Variants in PDLIM3 observed in about 807,000 individuals in gnomAD.
The protein encoded by PDLIM3 is PDZ and LIM domain protein 3.
Under a neutral mutation model 37.3 loss-of-function variants are expected in PDLIM3, and 36 were observed. The observed-to-expected ratio is 0.97, with a 90% CI of 0.74 to 1.28. The LOEUF (loss-of-function observed/expected upper bound fraction) is 1.28, where lower values mean the gene tolerates loss of function less well. PDLIM3 is among the 50% of genes most tolerant of loss of function. PDLIM3 has a pLI of 0.00. For synonymous variants in PDLIM3, 174 were observed against 182.4 expected, an observed-to-expected ratio of 0.95 and a Z score of 0.37; for missense variants, 454 against 485.0, an observed-to-expected ratio of 0.94 and a Z score of 0.60.
intron 4 of PDLIM3, chr4:185,512,763 G>A (rs2095708596): frequency 1.0e-6 from 1 of 984,578 alleles, no homozygotes; most frequent in Middle Eastern, 5.2e-4. Context: ...TGCTTCTTTG[G>A]GAAGTTGTAT....
chr4:185,502,648 A>T (rs147601622), intron 7 of PDLIM3, among the ~76,000 whole-genome samples, 165 bp from the exon 8 acceptor site: 6 of 152,358 alleles, frequency 3.9e-5, no homozygotes, highest in African/African-American at 9.6e-5. Context: ...TGTAATTGTC[A>T]TGGAGATCTA....
chr4:185,513,778 AT>A, intron 4 of PDLIM3: 1 of 1,031,800 alleles, frequency 9.7e-7, no homozygotes, highest in Non-Finnish European at 1.2e-6. Context: ...TTGGAGTTCA[AT>A]TTCTAGAGAA....
At chr4:185,523,023 T>G in intron 3 of PDLIM3, 1 of 230,488 alleles carries the variant, frequency 4.3e-6, no homozygotes, top group South Asian at 7.2e-5. Flanking sequence ...TTTGCTTTGC[T>G]TTGTTTTAAC....
intron 7 of PDLIM3, among the ~76,000 whole-genome samples, chr4:185,502,954 G>A (rs1036835280): frequency 3.3e-5 from 5 of 152,154 alleles, no homozygotes; most frequent in East Asian, 3.9e-4. Context: ...ACGACCGGGC[G>A]TGGTGGCTCA....
Position 185,504,444 on chromosome 4 carries a change from C to T in PDLIM3, c.905+31G>A, listed in dbSNP as rs756476192. The T allele has an allele frequency of 1.4e-5, 22 of 1,532,378 alleles. No individual in the cohort carries two copies. Among genetic ancestry groups the T allele is most frequent in the African/African-American group, 5.5e-5 (4 of 73,294 alleles). 94.9% of individuals were successfully genotyped at this position (1,532,378 alleles called of 1,614,324 possible). ...GAAATGAACTGTCGCCAAGCTGTATCGTAAATTCCAGGGTTAAAAGTGAAA... is the reference window on the plus strand; with the variant it reads ...GAAATGAACTGTCGCCAAGCTGTATTGTAAATTCCAGGGTTAAAAGTGAAA... On this transcript the variant is annotated intron_variant, in intron 7 of 7. Coordinates refer to ENST00000284767, the MANE Select transcript of PDLIM3 (RefSeq NM_014476.6). The surrounding 1 kb of genome is among the most constrained non-coding windows in gnomAD (Gnocchi z 4.7).
At chr4:185,527,119 T>C (rs1385683144) in intron 1 of PDLIM3, among the ~76,000 whole-genome samples, 1 of 152,218 alleles carries the variant, frequency 6.6e-6, no homozygotes, top group Non-Finnish European at 1.5e-5. Flanking sequence ...TTAAAAAGCA[T>C]TTGTCAGAGC....
chr4:185,532,052 C>T (rs922214717), intron 1 of PDLIM3, among the ~76,000 whole-genome samples: 2 of 151,898 alleles, frequency 1.3e-5, no homozygotes, highest in Non-Finnish European at 2.9e-5. Context: ...GAGGCGAGAT[C>T]GCGCCACTGC....
chr4:185,509,804 A>C (rs1358344120), intron 4 of PDLIM3, among the ~76,000 whole-genome samples: 2 of 152,198 alleles, frequency 1.3e-5, no homozygotes, highest in Admixed American at 6.5e-5. Flanking sequence ...ATTAATGCTA[A>C]CTTCAGCCCA....
At position 185,531,883 on chromosome 4, in the gene PDLIM3, G is replaced by C. The variant is rs890566845; in HGVS notation, c.93+3459C>G. Among the ~76,000 whole-genome samples the C allele has an allele frequency of 4.3e-5, 6 of 140,026 alleles. No homozygotes were observed. In the East Asian group the frequency reaches 9.1e-4, roughly 21 times the overall value. 91.9% of individuals were successfully genotyped at this position (140,026 alleles called of 152,430 possible). ...GTGGGCGGATCGCCTGAGGTCAGGA[G>C]TTTGAGAGTAGCCTGGCCAACATGG... On this transcript the variant is annotated intron_variant, in intron 1 of 7. Transcript: ENST00000284767.
intron 3 of PDLIM3, chr4:185,517,772 C>T (rs529961437): frequency 6.6e-6 from 1 of 151,584 alleles, no homozygotes; most frequent in East Asian, 1.9e-4. Flanking sequence ...TTAGGCTTTG[C>T]AAAGCATTAG....
At chr4:185,508,686 A>C (rs959370328) in intron 4 of PDLIM3, 124 bp from the exon 5 acceptor site, 7 of 895,680 alleles carry the variant, frequency 7.8e-6, no homozygotes, top group Non-Finnish European at 1.3e-5. Context: ...GAGGTGAATT[A>C]CATCAAAATA....
chr4:185,520,204 C>T (rs2095721324), intron 3 of PDLIM3, among the ~76,000 whole-genome samples: 1 of 151,972 alleles, frequency 6.6e-6, no homozygotes, highest in African/African-American at 2.4e-5. Context: ...AATGTCTGTC[C>T]TGAAGTACCA....
intron 1 of PDLIM3, among the ~76,000 whole-genome samples, chr4:185,529,113 G>C (rs572220721): frequency 1.3e-5 from 2 of 152,270 alleles, no homozygotes; most frequent in East Asian, 3.9e-4. Flanking sequence ...CGGTACTGCA[G>C]TGAATCACTT....
In PDLIM3 at chr4:185,504,663, T is replaced by C; in HGVS notation, c.794-77A>G. On this transcript the variant is annotated intron_variant, in intron 6 of 7. Coordinates refer to ENST00000284767, the MANE Select transcript of PDLIM3 (RefSeq NM_014476.6). This position sits in a 1 kb window ranked among gnomAD's most constrained non-coding sequence, Gnocchi z 4.7. The stretch of plus-strand genomic sequence containing the variant: ...TGTGCTTGGCTTCTATTTTAAAGTG[T>C]GCACTTTAACCTGAAGTTGCATCTG... The C allele has an allele frequency of 6.8e-6, 8 of 1,177,394 alleles. No homozygotes were observed. Among genetic ancestry groups the C allele is most frequent in the Middle Eastern group, 2.0e-4 (1 of 4,962 alleles). The allele number at this position is 1,177,394 out of a possible 1,614,324, so 72.9% of individuals were successfully genotyped here.
intron 1 of PDLIM3, among the ~76,000 whole-genome samples, chr4:185,532,980 C>T (rs2095747318): frequency 6.6e-6 from 1 of 152,158 alleles, no homozygotes; most frequent in African/African-American, 2.4e-5. Flanking sequence ...TCCATTTTCA[C>T]ATGTGGCCTT....
chr4:185,526,870 T>C (rs2095735174), intron 1 of PDLIM3, among the ~76,000 whole-genome samples: 1 of 152,346 alleles, frequency 6.6e-6, no homozygotes, highest in East Asian at 1.9e-4. Flanking sequence ...AATGCTGCAC[T>C]CTCAGAAAGA....
chr4:185,503,201 G>A (rs1561188349), intron 7 of PDLIM3, among the ~76,000 whole-genome samples: 1 of 151,904 alleles, frequency 6.6e-6, no homozygotes, highest in East Asian at 1.9e-4. Flanking sequence ...TCCAGCCTGG[G>A]CGACAGAGCG....
chr4:185,509,872 T>C (rs975170376), intron 4 of PDLIM3, among the ~76,000 whole-genome samples: 11 of 152,184 alleles, frequency 7.2e-5, no homozygotes, highest in Non-Finnish European at 1.2e-4. Context: ...CCAGCAATGT[T>C]GCAGCCGGAT....
At position 185,506,621 on chromosome 4, in the gene PDLIM3, C is replaced by T; in HGVS notation, c.694G>A (p.Asp232Asn). ...TTGTCGTGGAGCATCCGGTACACGT[C>T]CGACTCGGGGGGCACCGAGGCTGTG... ...EPTASVPPES[D>N]VYRMLHDNRN... Residue 232 changes from aspartate to asparagine, a missense_variant, in exon 6 of 8, where the codon GAC becomes AAC. Physicochemically the swap from Asp to Asn is conservative, Grantham distance 23. Transcript: ENST00000284767. The T allele has an allele frequency of 6.2e-7, 1 of 1,609,046 alleles. No individual in the cohort carries two copies. The highest frequency in any genetic ancestry group is 8.5e-7 in the Non-Finnish European group (1 of 1,179,990).
Sources: gnomAD v4.1 joint callset for allele counts (sites outside exome capture counted in the v4.1 genomes callset) on GRCh38, gnomAD v4.1.1 for gene constraint, Gnocchi (gnomAD v3.1) non-coding constraint, MANE v1.5 for transcripts, NCBI Gene and HGNC (gene_info 2026-07-23, HGNC 2026-07-21) for gene names.